The following CADM2 variants were observed in gnomAD, a reference collection of about 807,000 sequenced individuals.
The protein encoded by CADM2 is cell adhesion molecule 2.
In CADM2, 12 loss-of-function variants were observed where a neutral mutation model predicts 49.8. The ratio of observed to expected loss-of-function variants is 0.24; its 90% CI spans 0.15 to 0.39. The LOEUF (loss-of-function observed/expected upper bound fraction) is 0.39. Among genes scored for constraint, CADM2 ranks in the 10% least tolerant of loss-of-function variants. CADM2 has a pLI of 1.00. For synonymous variants in CADM2, 214 were observed against 175.4 expected (o/e 1.22, Z -1.74); for missense variants, 378 against 492.3 (o/e 0.77, Z 2.20).
intron 1 of CADM2, among the ~76,000 whole-genome samples, chr3:85,351,581 T>C (rs1233207402): frequency 6.6e-6 from 1 of 152,170 alleles, no homozygotes; most frequent in African/African-American, 2.4e-5. Flanking sequence ...TTTGAAAAGC[T>C]GCCTGCATAA....
chr3:85,579,391 C>G (rs568276855), intron 1 of CADM2, among the ~76,000 whole-genome samples: 147 of 152,226 alleles, frequency 9.7e-4, no homozygotes, highest in Non-Finnish European at 1.8e-3. Context: ...AGTTTACGAC[C>G]TAACCATTTC....
chr3:85,090,168 A>T (rs1014187453), intron 1 of CADM2, among the ~76,000 whole-genome samples: 41 of 152,188 alleles, frequency 2.7e-4, no homozygotes, highest in African/African-American at 9.6e-4. Context: ...ACTTGATTTG[A>T]AAACTTTCTC....
At chr3:85,413,227 T>A (rs1283020145) in intron 1 of CADM2, among the ~76,000 whole-genome samples, 1 of 150,284 alleles carries the variant, frequency 6.7e-6, no homozygotes, top group East Asian at 1.9e-4. Context: ...TTCTTCACAG[T>A]TTATTAACAA....
chr3:85,285,020 A>G (rs1213835507), intron 1 of CADM2, among the ~76,000 whole-genome samples: 1 of 152,144 alleles, frequency 6.6e-6, no homozygotes, highest in Non-Finnish European at 1.5e-5. Flanking sequence ...TTGATGGGAT[A>G]GCAGTAAAAT....
chr3:85,681,267 TAC>T (rs1310975134), intron 1 of CADM2, among the ~76,000 whole-genome samples: 16 of 152,094 alleles, frequency 1.1e-4, no homozygotes, highest in Admixed American at 5.9e-4. Flanking sequence ...CCATATAGAA[TAC>T]AGAGGCAGGT....
chr3:85,728,438 A>G (rs1359190845), intron 2 of CADM2, among the ~76,000 whole-genome samples: 1 of 152,202 alleles, frequency 6.6e-6, no homozygotes, highest in Non-Finnish European at 1.5e-5. Flanking sequence ...TTTATTTCTA[A>G]CCATTGCTGA....
chr3:85,699,497 C>T (rs539386482), intron 1 of CADM2, among the ~76,000 whole-genome samples: 3 of 152,324 alleles, frequency 2.0e-5, no homozygotes, highest in Non-Finnish European at 2.9e-5. Context: ...GATCCCAAGC[C>T]TCAACTCTTG....
intron 1 of CADM2, among the ~76,000 whole-genome samples, chr3:85,436,240 T>C (rs1325662922): frequency 1.3e-5 from 2 of 152,142 alleles, no homozygotes. Context: ...TATTGGTGTA[T>C]AGGAATGCTT....
At chr3:85,636,381 T>C (rs372180998) in intron 1 of CADM2, among the ~76,000 whole-genome samples, 1 of 152,168 alleles carries the variant, frequency 6.6e-6, no homozygotes, top group Non-Finnish European at 1.5e-5. Flanking sequence ...AAAAAGCTTA[T>C]AAAATAAGGA....
chr3:85,058,446 CT>C (rs1180192764), intron 1 of CADM2, among the ~76,000 whole-genome samples: 6 of 151,210 alleles, frequency 4.0e-5, no homozygotes, highest in Non-Finnish European at 8.9e-5. Flanking sequence ...TCTTTTTTTT[CT>C]TTTTTTATTT....
chr3:85,139,435 CTTAT>C (rs2039512569), intron 1 of CADM2, among the ~76,000 whole-genome samples: 2 of 151,958 alleles, frequency 1.3e-5, no homozygotes, highest in African/African-American at 4.8e-5. Flanking sequence ...TTAATCAATA[CTTAT>C]TTGTTTGTAA....
chr3:85,877,962 T>C (rs941258057), intron 3 of CADM2, among the ~76,000 whole-genome samples: 2 of 152,042 alleles, frequency 1.3e-5, no homozygotes, highest in East Asian at 1.9e-4. Context: ...TAAATGTTTT[T>C]TCCTTATTCT....
At position 85,676,528 on chromosome 3, in the gene CADM2, A is replaced by G. The variant is rs572186814; in HGVS notation, c.62-49994A>G. Among the ~76,000 whole-genome samples the G allele has an allele frequency of 2.6e-5, 4 of 152,324 alleles. No homozygotes were observed. The South Asian group carries it at 8.3e-4, about 32-fold the overall frequency. On this transcript the variant is annotated intron_variant, in intron 1 of 9. Coordinates refer to ENST00000383699, the MANE Select transcript of CADM2 (RefSeq NM_001167675.2). ...AGTTTTGATTGTTGTAACATAGGAC[A>G]GACTGGTGAGATTTCAAAGTTGGTA...
chr3:85,268,891 C>T (rs892884362), intron 1 of CADM2, among the ~76,000 whole-genome samples: 1 of 151,226 alleles, frequency 6.6e-6, no homozygotes, highest in Non-Finnish European at 1.5e-5. Flanking sequence ...GTTTTGATTA[C>T]ATTAAAAGTA....
intron 1 of CADM2, among the ~76,000 whole-genome samples, chr3:85,168,203 T>A (rs1336092675): frequency 6.6e-6 from 1 of 151,988 alleles, no homozygotes; most frequent in Non-Finnish European, 1.5e-5. Context: ...TTACAGGCAC[T>A]CACAGCCATG....
chr3:84,972,189 T>G (rs1019649919), intron 1 of CADM2, among the ~76,000 whole-genome samples: 1 of 152,210 alleles, frequency 6.6e-6, no homozygotes, highest in Non-Finnish European at 1.5e-5. Context: ...GTAGACTGAG[T>G]GGTTGGAACC....
intron 8 of CADM2, among the ~76,000 whole-genome samples, chr3:86,024,855 A>G (rs1332509198): frequency 6.6e-6 from 1 of 151,606 alleles, no homozygotes; most frequent in Non-Finnish European, 1.5e-5. Context: ...TTACACATGT[A>G]TCTTTACATT....
At chr3:85,370,350 A>AG (rs1377930325) in intron 1 of CADM2, among the ~76,000 whole-genome samples, 2 of 151,438 alleles carry the variant, frequency 1.3e-5, no homozygotes, top group Non-Finnish European at 2.9e-5. Flanking sequence ...TGACCGCGGG[A>AG]GGGGGAGGTG....
chr3:85,314,037 G>A (rs973893636), intron 1 of CADM2, among the ~76,000 whole-genome samples: 8 of 152,118 alleles, frequency 5.3e-5, no homozygotes, highest in African/African-American at 1.9e-4. Context: ...ACTAAGGCGC[G>A]TGCCACCACG....
Sources: gnomAD v4.1 joint callset for allele counts (sites outside exome capture counted in the v4.1 genomes callset) on GRCh38, gnomAD v4.1.1 for gene constraint, MANE v1.5 for transcripts, NCBI Gene and HGNC (gene_info 2026-07-23, HGNC 2026-07-21) for gene names.